CAP2: variants seen among roughly 807,000 people sequenced by gnomAD.
CAP2 encodes the protein adenylyl cyclase-associated protein 2.
CAP2 carries 24 observed loss-of-function variants against 57.7 expected under a neutral mutation model. That is an observed-to-expected ratio of 0.42 (90% CI 0.30 to 0.58). The LOEUF is 0.58. Among genes scored for constraint, CAP2 ranks in the 20% least tolerant of loss-of-function variants. CAP2 has a pLI of 0.22. For missense variants in CAP2, 501 were observed against 590.3 expected, an observed-to-expected ratio of 0.85 and a Z score of 1.57; for synonymous variants, 194 against 207.2, an observed-to-expected ratio of 0.94 and a Z score of 0.55.
At chr6:17,476,979 C>T (rs1761164568) in intron 4 of CAP2, among the ~76,000 whole-genome samples, 1 of 150,268 alleles carries the variant, frequency 6.7e-6, no homozygotes. Flanking sequence ...TCAAGTGATC[C>T]TCCTGCCTCA....
chr6:17,477,200 T>C (rs898912841), intron 4 of CAP2, among the ~76,000 whole-genome samples: 55 of 152,286 alleles, frequency 3.6e-4, no homozygotes, highest in African/African-American at 1.2e-3. Context: ...TTCTCCATCT[T>C]TTGCAGCCTC....
chr6:17,503,000 G>T (rs1761867482), intron 4 of CAP2, among the ~76,000 whole-genome samples: 1 of 152,178 alleles, frequency 6.6e-6, no homozygotes, highest in African/African-American at 2.4e-5. Flanking sequence ...TCCAGGGAGG[G>T]TATTTAAAAC....
intron 9 of CAP2, among the ~76,000 whole-genome samples, chr6:17,541,953 T>C (rs1167097231): frequency 2.0e-5 from 3 of 152,236 alleles, no homozygotes; most frequent in Non-Finnish European, 2.9e-5. Context: ...TAAAATGGAC[T>C]GTTCACCATG....
intron 1 of CAP2, among the ~76,000 whole-genome samples, chr6:17,406,735 T>G (rs996539610): frequency 2.0e-5 from 3 of 152,142 alleles, no homozygotes; most frequent in Admixed American, 6.5e-5. Context: ...GTGCTGCTGC[T>G]TACTGTTCTG....
intron 3 of CAP2, among the ~76,000 whole-genome samples, chr6:17,458,103 T>C (rs1438490844): frequency 6.6e-6 from 1 of 152,224 alleles, no homozygotes; most frequent in African/African-American, 2.4e-5. Context: ...AAAGTCCTTC[T>C]GAATCACTGA....
At chr6:17,536,104 T>C in intron 7 of CAP2, 1 of 428,828 alleles carries the variant, frequency 2.3e-6, no homozygotes, top group South Asian at 1.7e-5. Context: ...CATACAGGTG[T>C]GAGCCTCCGC....
chr6:17,421,914 G>C (rs189080866), intron 2 of CAP2, among the ~76,000 whole-genome samples: 1 of 152,198 alleles, frequency 6.6e-6, no homozygotes, highest in African/African-American at 2.4e-5. Context: ...ACAGGGTCTC[G>C]CTCTATCACC....
chr6:17,541,329 C>A (rs1171189372), intron 9 of CAP2, among the ~76,000 whole-genome samples, 181 bp downstream of exon 9: 1 of 151,872 alleles, frequency 6.6e-6, no homozygotes, highest in Non-Finnish European at 1.5e-5. Flanking sequence ...GTGTAATGAT[C>A]GGCACTTTGG....
At chr6:17,438,840 C>T (rs1371551306) in intron 3 of CAP2, among the ~76,000 whole-genome samples, 2 of 148,736 alleles carry the variant, frequency 1.3e-5, no homozygotes, top group Non-Finnish European at 3.0e-5. Flanking sequence ...CTGCCGGGCG[C>T]GGTGGCTCAC....
At chr6:17,404,108 C>G (rs1758886635) in intron 1 of CAP2, among the ~76,000 whole-genome samples, 1 of 152,132 alleles carries the variant, frequency 6.6e-6, no homozygotes, top group African/African-American at 2.4e-5. Context: ...GTAAATGAAC[C>G]AATTCATTAA....
intron 3 of CAP2, among the ~76,000 whole-genome samples, chr6:17,460,899 G>C (rs1760701611): frequency 6.6e-6 from 1 of 152,150 alleles, no homozygotes; most frequent in Non-Finnish European, 1.5e-5. Context: ...TGTAATCCCA[G>C]CACTTTGGGA....
At chr6:17,543,926 A>T (rs879884505) in intron 11 of CAP2, among the ~76,000 whole-genome samples, 4 of 152,052 alleles carry the variant, frequency 2.6e-5, no homozygotes, top group Non-Finnish European at 5.9e-5. Context: ...GGAGTTTGAG[A>T]CCAGCCTAGC....
chr6:17,531,637 G>A (rs750662519), intron 7 of CAP2: 1 of 1,173,696 alleles, frequency 8.5e-7, no homozygotes, highest in Non-Finnish European at 1.2e-6. Context: ...CACCTTCCAT[G>A]GTTCCAGCCA....
intron 3 of CAP2, among the ~76,000 whole-genome samples, chr6:17,443,947 A>C (rs1273884193): frequency 6.6e-6 from 1 of 152,204 alleles, no homozygotes; most frequent in African/African-American, 2.4e-5. Context: ...GTAAAAGAGA[A>C]CTCACATGTG....
intron 9 of CAP2, among the ~76,000 whole-genome samples, 199 bp from the exon 10 acceptor site, chr6:17,542,638 A>T (rs1458304042): frequency 6.6e-6 from 1 of 152,154 alleles, no homozygotes; most frequent in East Asian, 1.9e-4. Context: ...AGAGATACTG[A>T]CTTGCTTCCA....
chr6:17,556,891 A>G lies in CAP2; in HGVS notation c.*449A>G, dbSNP rs1763325565. 6.3e-6 allele frequency: 1 copy of G among 159,812 alleles called. No individual in the cohort carries two copies. Among genetic ancestry groups the G allele is most frequent in the Non-Finnish European group, 1.4e-5 (1 of 72,720 alleles). The allele number at this position is 159,812 out of a possible 1,614,324, so 9.9% of individuals were successfully genotyped here. ...AGTAGTAGTGTGCCCTGAAAAATGT[A>G]CACGTTTTTTCTTATTGTTACCACA... is the stretch of plus-strand genomic sequence containing the variant. On this transcript the variant is annotated 3_prime_UTR_variant, in exon 13 of 13. Transcript: ENST00000229922.
intron 4 of CAP2, among the ~76,000 whole-genome samples, chr6:17,500,673 C>T (rs945959309): frequency 1.3e-5 from 2 of 151,948 alleles, no homozygotes; most frequent in African/African-American, 4.8e-5. Context: ...ATATTTTCTA[C>T]TTTTGAAGGT....
intron 4 of CAP2, among the ~76,000 whole-genome samples, chr6:17,506,319 CA>C (rs1468117251): frequency 6.6e-6 from 1 of 152,112 alleles, no homozygotes; most frequent in Non-Finnish European, 1.5e-5. Flanking sequence ...AGAATGCCAA[CA>C]AAGACTAAAG....
intron 1 of CAP2, among the ~76,000 whole-genome samples, chr6:17,417,569 C>G (rs1759317452): frequency 6.6e-6 from 1 of 152,162 alleles, no homozygotes; most frequent in East Asian, 1.9e-4. Context: ...GCCACTGGCC[C>G]CGGCTCCTAA....
Sources: gnomAD v4.1 joint callset for allele counts (sites outside exome capture counted in the v4.1 genomes callset) on GRCh38, gnomAD v4.1.1 for gene constraint, MANE v1.5 for transcripts, NCBI Gene and HGNC (gene_info 2026-07-23, HGNC 2026-07-21) for gene names.